BFSP2: variants seen among roughly 807,000 people sequenced by gnomAD.
The protein encoded by BFSP2 is beaded filament structural protein 2.
Under a neutral mutation model 44.9 loss-of-function variants are expected in BFSP2, and 38 were observed. The ratio of observed to expected loss-of-function variants is 0.85; its 90% CI spans 0.65 to 1.11. The LOEUF is 1.11. Ranked by LOEUF, BFSP2 falls within the 50% of genes least tolerant of loss-of-function variation. The pLI, the probability that BFSP2 is intolerant of heterozygous loss-of-function variation, is 0.00. For missense variants in BFSP2, 525 were observed against 533.0 expected (o/e 0.99, Z 0.15); for synonymous variants, 197 against 209.9 (o/e 0.94, Z 0.53).
At chr3:133,403,157 C>T (rs1434014883) in intron 1 of BFSP2, among the ~76,000 whole-genome samples, 5 of 152,138 alleles carry the variant, frequency 3.3e-5, no homozygotes, top group Non-Finnish European at 5.9e-5. Flanking sequence ...TTCCACAACA[C>T]GCTGCCTTCA....
intron 1 of BFSP2, among the ~76,000 whole-genome samples, chr3:133,416,682 TCCCCTCTACTGA>T (rs1413143414): frequency 2.1e-5 from 2 of 94,868 alleles, no homozygotes; most frequent in Non-Finnish European, 2.1e-5. Context: ...CCTTGCCCTC[TCCCCTCTACTGA>T]CCCCTCTACT....
intron 1 of BFSP2, among the ~76,000 whole-genome samples, chr3:133,442,787 G>C (rs751830606): frequency 4.6e-5 from 7 of 151,990 alleles, no homozygotes; most frequent in Admixed American, 1.3e-4. Flanking sequence ...TAGACATTGG[G>C]GTTGTTTACT....
chr3:133,473,678 T>G (rs1455421018), intron 6 of BFSP2, among the ~76,000 whole-genome samples: 1 of 151,314 alleles, frequency 6.6e-6, no homozygotes, highest in Non-Finnish European at 1.5e-5. Flanking sequence ...GCATGCTGCC[T>G]TCAAGCATCT....
intron 1 of BFSP2, among the ~76,000 whole-genome samples, chr3:133,419,297 G>A (rs908142405): frequency 6.6e-6 from 1 of 152,190 alleles, no homozygotes; most frequent in Admixed American, 6.5e-5. Flanking sequence ...GAATTTGGGG[G>A]AGGAAGGACA....
At chr3:133,436,903 G>C (rs894429443) in intron 1 of BFSP2, among the ~76,000 whole-genome samples, 1 of 150,844 alleles carries the variant, frequency 6.6e-6, no homozygotes, top group Non-Finnish European at 1.5e-5. Context: ...ATGGTTTCCA[G>C]TTTCATCCAT....
chr3:133,411,313 C>T (rs1298574431), intron 1 of BFSP2, among the ~76,000 whole-genome samples: 4 of 151,450 alleles, frequency 2.6e-5, no homozygotes, highest in Non-Finnish European at 5.9e-5. Context: ...TAGGTATATC[C>T]AGTAAGAAAA....
intron 5 of BFSP2, among the ~76,000 whole-genome samples, 172 bp downstream of exon 5, chr3:133,467,131 A>C (rs1053704433): frequency 3.3e-5 from 5 of 152,224 alleles, no homozygotes; most frequent in African/African-American, 1.2e-4. Context: ...GAATCACAGC[A>C]GGTGCAATAG....
chr3:133,414,881 A>ATTCATC (rs1340509615), intron 1 of BFSP2, among the ~76,000 whole-genome samples: 14 of 87,892 alleles, frequency 1.6e-4, no homozygotes, highest in Admixed American at 6.6e-4. Context: ...TCTCCCCTCT[A>ATTCATC]CTCATCCCTG....
intron 4 of BFSP2, among the ~76,000 whole-genome samples, chr3:133,458,641 A>C (rs532578562): frequency 7.9e-5 from 12 of 152,312 alleles, no homozygotes; most frequent in African/African-American, 2.9e-4. Flanking sequence ...GATTGCAGTG[A>C]GCCAAGAACA....
intron 5 of BFSP2, among the ~76,000 whole-genome samples, chr3:133,468,928 G>A (rs866956584): frequency 1.3e-4 from 20 of 152,300 alleles, no homozygotes; most frequent in African/African-American, 4.1e-4. Context: ...TGTATGTCAA[G>A]CCCTTAGCAC....
intron 3 of BFSP2, among the ~76,000 whole-genome samples, chr3:133,449,820 T>C (rs1347995792): frequency 4.0e-5 from 6 of 151,044 alleles, no homozygotes. Context: ...GCCCAAGAGA[T>C]GGAGGCTGCA....
chr3:133,423,939 A>G (rs1475135333), intron 1 of BFSP2, among the ~76,000 whole-genome samples: 1 of 152,152 alleles, frequency 6.6e-6, no homozygotes, highest in Non-Finnish European at 1.5e-5. Context: ...TTTCCAGGAC[A>G]ACTCCCAATT....
chr3:133,462,495 C>T (rs1448345724), intron 4 of BFSP2, among the ~76,000 whole-genome samples: 1 of 152,216 alleles, frequency 6.6e-6, no homozygotes, highest in African/African-American at 2.4e-5. Flanking sequence ...TACACTAGAC[C>T]TGCACACCAA....
At position 133,401,180 on chromosome 3, in the gene BFSP2, T is replaced by G. The variant is rs2073360076; in HGVS notation, c.489+608T>G. Among the ~76,000 whole-genome samples, 3 of 152,332 alleles carry G rather than the reference T, an allele frequency of 2.0e-5. No homozygotes were observed. In the South Asian group the frequency reaches 6.2e-4, roughly 32 times the overall value. ...TAAAAAGAAGCAGGTGAAGTTAATA[T>G]TATAGCTTATTTAACTCTATATGTC... On this transcript the variant is annotated intron_variant, in intron 1 of 6. Transcript: ENST00000302334.
At chr3:133,419,321 A>G (rs1044458462) in intron 1 of BFSP2, among the ~76,000 whole-genome samples, 1 of 152,186 alleles carries the variant, frequency 6.6e-6, no homozygotes, top group Admixed American at 6.5e-5. Context: ...TTCAGCCCGT[A>G]ATACCCATTT....
At chr3:133,456,337 G>A (rs531960630) in intron 4 of BFSP2, among the ~76,000 whole-genome samples, 41 of 152,344 alleles carry the variant, frequency 2.7e-4, no homozygotes, top group Non-Finnish European at 2.9e-4. Context: ...GTTGTTGATA[G>A]TCTTAAGGCC....
In BFSP2 at chr3:133,400,275, G is replaced by A. The variant is rs1386639531; in HGVS notation, c.192G>A (p.Gly64=). 1 of 1,614,054 alleles carries A rather than the reference G, an allele frequency of 6.2e-7. No homozygotes were observed. Among genetic ancestry groups the A allele is most frequent in the South Asian group, 1.1e-5 (1 of 91,074 alleles). The change falls in exon 1 of 7, where the codon GGG becomes GGA. Residue 64 remains glycine (G), a synonymous_variant. Coordinates refer to ENST00000302334, the MANE Select transcript of BFSP2 (RefSeq NM_003571.4). The surrounding 1 kb of genome is among the most constrained non-coding windows in gnomAD (Gnocchi z 4.0). ...TCTATGTAGGAACAGCACCCAGTGGGTGCATAGGTGGCTTGGGTGCCCGTG... is the reference window on the plus strand; with the variant it reads ...TCTATGTAGGAACAGCACCCAGTGGATGCATAGGTGGCTTGGGTGCCCGTG... ...PGVYVGTAPS[G]CIGGLGARVT...
chr3:133,462,559 T>C (rs2074073895), intron 4 of BFSP2, among the ~76,000 whole-genome samples: 1 of 152,208 alleles, frequency 6.6e-6, no homozygotes, highest in Non-Finnish European at 1.5e-5. Context: ...GGAGTGATGG[T>C]AAATGTTTCA....
chr3:133,416,221 ACTCACCCCTCTACTCAACCCTGCCC>A (rs2073526767), intron 1 of BFSP2, among the ~76,000 whole-genome samples: 1 of 62,426 alleles, frequency 1.6e-5, no homozygotes, highest in Non-Finnish European at 3.1e-5. Flanking sequence ...CCTCCGCTCT[ACTCACCCCTCTACTCAACCCTGCCC>A]TCTCCCCTGT....
Sources: gnomAD v4.1 joint callset for allele counts (sites outside exome capture counted in the v4.1 genomes callset) on GRCh38, gnomAD v4.1.1 for gene constraint, Gnocchi (gnomAD v3.1) non-coding constraint, MANE v1.5 for transcripts, NCBI Gene and HGNC (gene_info 2026-07-23, HGNC 2026-07-21) for gene names.